CPD: variants seen among roughly 807,000 people sequenced by gnomAD.
CPD encodes the protein carboxypeptidase D, also known as metallocarboxypeptidase D.
A neutral mutation model predicts 138.3 loss-of-function variants in CPD; 69 were observed. That is an observed-to-expected ratio of 0.50 (90% CI 0.41 to 0.61). The LOEUF (loss-of-function observed/expected upper bound fraction) is 0.61. Ranked by LOEUF, CPD falls within the 20% of genes least tolerant of loss-of-function variation. CPD has a pLI of 0.00. For missense variants in CPD, 1,432 were observed against 1,733.3 expected, an observed-to-expected ratio of 0.83 and a Z score of 3.09; for synonymous variants, 651 against 642.1, an observed-to-expected ratio of 1.01 and a Z score of -0.21.
intron 2 of CPD, among the ~76,000 whole-genome samples, chr17:30,405,692 A>G (rs1361760149): frequency 1.3e-5 from 2 of 152,024 alleles, no homozygotes; most frequent in African/African-American, 4.8e-5. Context: ...TAGTTTTATT[A>G]TATGTATTTT....
intron 19 of CPD, 144 bp from the exon 20 acceptor site, chr17:30,462,226 A>G: frequency 9.3e-7 from 1 of 1,073,544 alleles, no homozygotes; most frequent in Non-Finnish European, 1.3e-6. Flanking sequence ...CTTGCTAACA[A>G]AAGGGAAAAT....
intron 7 of CPD, among the ~76,000 whole-genome samples, chr17:30,428,867 C>T (rs908729835): frequency 7.1e-6 from 1 of 140,494 alleles, no homozygotes; most frequent in Non-Finnish European, 1.5e-5. Context: ...ATTTGAATTA[C>T]ATCAGTAAAA....
At chr17:30,398,409 G>A (rs1005928455) in intron 2 of CPD, among the ~76,000 whole-genome samples, 3 of 152,148 alleles carry the variant, frequency 2.0e-5, no homozygotes, top group Non-Finnish European at 2.9e-5. Context: ...TTCTTTGGCT[G>A]AATAAAGATA....
intron 9 of CPD, 87 bp from the exon 10 acceptor site, chr17:30,442,221 C>T: frequency 1.5e-6 from 2 of 1,366,500 alleles, no homozygotes; most frequent in East Asian, 2.3e-5. Context: ...ATAAATTTGG[C>T]TTTTTACTAG....
intron 2 of CPD, among the ~76,000 whole-genome samples, chr17:30,417,192 A>G (rs1159429149): frequency 6.6e-6 from 1 of 152,026 alleles, no homozygotes; most frequent in Non-Finnish European, 1.5e-5. Context: ...CTATGTAAGA[A>G]TTCTATAAGT....
intron 2 of CPD, 99 bp downstream of exon 2, chr17:30,385,335 C>A: frequency 7.3e-7 from 1 of 1,370,838 alleles, no homozygotes; most frequent in Non-Finnish European, 9.9e-7. Flanking sequence ...AGAAATCTAA[C>A]TTTAAAAGAT....
chr17:30,385,033 G>A lies in CPD; in HGVS notation c.791G>A (p.Ser264Asn). 1 of 1,614,044 alleles carries A rather than the reference G, an allele frequency of 6.2e-7. No homozygotes were observed. The highest frequency in any genetic ancestry group is 8.5e-7 in the Non-Finnish European group (1 of 1,179,960). The change falls in exon 2 of 21, where the codon AGC becomes AAC. Residue 264 changes from serine (S) to asparagine (N), a missense_variant. By Grantham distance (46) the Ser-to-Asn change is conservative. This residue lies in a region of CPD where 484 missense variants were observed against 477.2 expected (regional missense o/e 1.01). Coordinates refer to ENST00000225719, the MANE Select transcript of CPD (RefSeq NM_001304.5). Reference protein sequence around the residue: ...GNLHGGSVVASYPFDDSPEHK... With the variant: ...GNLHGGSVVANYPFDDSPEHK... The stretch of plus-strand genomic sequence containing the variant: ...CTGCATGGTGGCTCAGTGGTAGCAA[G>A]CTATCCTTTTGATGATTCTCCAGAA...
Position 30,449,698 on chromosome 17 carries a change from C to T in CPD, c.3019C>T (p.Leu1007=), listed in dbSNP as rs745711048. The change falls in exon 13 of 21, where the codon CTG becomes TTG. Residue 1007 remains leucine (L), a synonymous_variant. Coordinates refer to ENST00000225719, the MANE Select transcript of CPD (RefSeq NM_001304.5). ...APVGTELLLA[L]AEFLCLNYKK... ...AGTTGGAACTGAACTGCTTTTGGCT[C>T]TGGCAGAATTTCTCTGCCTGAACTA... The T allele has an allele frequency of 3.1e-6, 5 of 1,591,170 alleles. No homozygotes were observed. Among genetic ancestry groups the T allele is most frequent in the Non-Finnish European group, 4.3e-6 (5 of 1,174,154 alleles).
intron 2 of CPD, among the ~76,000 whole-genome samples, chr17:30,388,206 G>A (rs563122211): frequency 3.3e-5 from 5 of 152,226 alleles, no homozygotes; most frequent in East Asian, 3.9e-4. Flanking sequence ...GTTCATGGGC[G>A]CCACGGGCAG....
chr17:30,411,552 C>T (rs988316927), intron 2 of CPD, among the ~76,000 whole-genome samples: 1 of 151,978 alleles, frequency 6.6e-6, no homozygotes, highest in Non-Finnish European at 1.5e-5. Flanking sequence ...AGGCTTTTTT[C>T]GTTTCTTTTT....
chr17:30,411,356 G>A (rs900962147), intron 2 of CPD, among the ~76,000 whole-genome samples: 2 of 152,128 alleles, frequency 1.3e-5, no homozygotes, highest in Non-Finnish European at 2.9e-5. Flanking sequence ...TCTTCTTGAG[G>A]AATATCTTTG....
intron 2 of CPD, among the ~76,000 whole-genome samples, chr17:30,408,192 C>G (rs1315224522): frequency 3.3e-5 from 5 of 152,144 alleles, no homozygotes; most frequent in Non-Finnish European, 7.3e-5. Flanking sequence ...CAGTACTATG[C>G]TATTTTGGTG....
chr17:30,455,712 A>G, intron 15 of CPD: 1 of 405,292 alleles, frequency 2.5e-6, no homozygotes, highest in Non-Finnish European at 4.4e-6. Flanking sequence ...TTAGTCCACA[A>G]GCATTTACTG....
chr17:30,407,842 T>C (rs1410019823), intron 2 of CPD, among the ~76,000 whole-genome samples: 2 of 152,250 alleles, frequency 1.3e-5, no homozygotes, highest in East Asian at 1.9e-4. Flanking sequence ...TTGTCTATTT[T>C]GGCTTTTGTT....
At chr17:30,383,240 T>A (rs1911097347) in intron 1 of CPD, among the ~76,000 whole-genome samples, 2 of 152,156 alleles carry the variant, frequency 1.3e-5, no homozygotes, top group South Asian at 4.1e-4. Flanking sequence ...TCCAAAGAAA[T>A]GAACATTTGT....
intron 20 of CPD, among the ~76,000 whole-genome samples, chr17:30,463,442 T>G (rs1409679499): frequency 6.6e-6 from 1 of 152,214 alleles, no homozygotes; most frequent in Non-Finnish European, 1.5e-5. Flanking sequence ...ATGATTTGCT[T>G]TATATTAAAG....
chr17:30,395,254 T>C (rs1911471865), intron 2 of CPD, among the ~76,000 whole-genome samples: 1 of 151,618 alleles, frequency 6.6e-6, no homozygotes, highest in African/African-American at 2.4e-5. Context: ...TGGGATGTTT[T>C]CCTTAAGGAA....
intron 14 of CPD, among the ~76,000 whole-genome samples, chr17:30,453,753 C>T (rs957763346): frequency 6.6e-6 from 1 of 152,252 alleles, no homozygotes; most frequent in African/African-American, 2.4e-5. Context: ...AAACTTTTGC[C>T]TGGACATCCA....
chr17:30,404,703 C>G (rs1911762045), intron 2 of CPD, among the ~76,000 whole-genome samples: 1 of 138,150 alleles, frequency 7.2e-6, no homozygotes, highest in Admixed American at 7.2e-5. Context: ...AATCCTTTGT[C>G]ATCTCTTTTT....
Sources: allele counts gnomAD v4.1 joint callset (sites outside exome capture counted in the v4.1 genomes callset), GRCh38; gene constraint gnomAD v4.1.1; regional missense constraint gnomAD v4.1.1; transcripts MANE v1.5; gene names NCBI Gene and HGNC (gene_info 2026-07-23, HGNC 2026-07-21).